Variants in CENPE observed in about 807,000 individuals in gnomAD.
The protein encoded by CENPE is centromere-associated protein E.
CENPE carries 145 observed loss-of-function variants against 336.1 expected under a neutral mutation model. That is an observed-to-expected ratio of 0.43 (90% CI 0.38 to 0.50). The LOEUF (loss-of-function observed/expected upper bound fraction) is 0.50. Among genes scored for constraint, CENPE ranks in the 20% least tolerant of loss-of-function variants. The probability of loss-of-function intolerance (pLI) is 0.00; values close to 1 mark genes in which losing one functional copy is unlikely to be tolerated. For synonymous variants in CENPE, 1,013 were observed against 984.8 expected (o/e 1.03, Z -0.54); for missense variants, 2,719 against 3,023.3 (o/e 0.90, Z 2.36).
chr4:103,195,916 T>C lies in CENPE; in HGVS notation c.357+4A>G, dbSNP rs952090491. ...CGTACTAGAAATCCAGTTAAGTTACTTACCTTCTTAATTTTTTGGAAAATG... is the reference window on the plus strand; with the variant it reads ...CGTACTAGAAATCCAGTTAAGTTACCTACCTTCTTAATTTTTTGGAAAATG... On this transcript the variant is annotated splice_donor_region_variant and intron_variant, in intron 4 of 48. Coordinates refer to ENST00000265148, the MANE Select transcript of CENPE (RefSeq NM_001813.3). 6.4e-7 allele frequency: 1 copy of C among 1,572,956 alleles called. No homozygotes were observed. The highest frequency in any genetic ancestry group is 2.2e-5 in the East Asian group (1 of 44,640).
chr4:103,151,569 T>G (rs1753578044), intron 25 of CENPE, among the ~76,000 whole-genome samples, 192 bp from the exon 26 acceptor site: 1 of 152,226 alleles, frequency 6.6e-6, no homozygotes, highest in Admixed American at 6.5e-5. Context: ...TTTATACTGT[T>G]TCTTTACTGC....
rs116719500 is a variant in CENPE at position 103,149,691 on chromosome 4, C to T, written c.3397-283G>A. 3.1e-3 allele frequency among the ~76,000 whole-genome samples: 468 copies of T among 152,186 alleles called. 2 individuals are homozygous for T. The highest frequency in any genetic ancestry group is 0.01 in the African/African-American group (424 of 41,514). The stretch of plus-strand genomic sequence containing the variant: ...GATCCTACTGGAGTAGGTCTTCATT[C>T]CAATGAGTGTATTTATAAGAGACAT... On this transcript the variant is annotated intron_variant, in intron 26 of 48. Transcript: ENST00000265148.
chr4:103,113,801 C>A (rs1207086937), intron 46 of CENPE, among the ~76,000 whole-genome samples: 1 of 150,714 alleles, frequency 6.6e-6, no homozygotes, highest in Admixed American at 6.7e-5. Context: ...CCCACGATTT[C>A]ATATAGCCAT....
intron 16 of CENPE, among the ~76,000 whole-genome samples, chr4:103,163,909 A>T (rs1462821778): frequency 6.6e-6 from 1 of 152,112 alleles, no homozygotes; most frequent in Non-Finnish European, 1.5e-5. Context: ...TGAAAAATAC[A>T]CGTTTAGTAG....
chr4:103,138,203 C>T lies in CENPE; in HGVS notation c.6303+148G>A, dbSNP rs72946139. 2,762 of 625,912 alleles carry T rather than the reference C, an allele frequency of 4.4e-3. 51 individuals carry two copies. Among genetic ancestry groups the T allele is most frequent in the African/African-American group, 0.035 (1,906 of 54,594 alleles). 38.8% of individuals were successfully genotyped at this position (625,912 alleles called of 1,614,324 possible). A position where few individuals can be genotyped will look rare whatever the true frequency, so the allele number is the denominator to read the frequency against. On this transcript the variant is annotated intron_variant, in intron 39 of 48. Coordinates refer to ENST00000265148, the MANE Select transcript of CENPE (RefSeq NM_001813.3). Reference sequence around the variant, plus strand: ...TGTATGTGTGTATATATGCATTATACCCACACACCTGTACTAGATTACAAT... The same window carrying T: ...TGTATGTGTGTATATATGCATTATATCCACACACCTGTACTAGATTACAAT...
Position 103,163,284 on chromosome 4 carries a change from A to G in CENPE, c.1723-28T>C, listed in dbSNP as rs756559395. ...AAAAGAATCAAAGGAGAGAGTAACAATTTAGAATCTGATTTGAAGTCTAAG... is the reference window on the plus strand; with the variant it reads ...AAAAGAATCAAAGGAGAGAGTAACAGTTTAGAATCTGATTTGAAGTCTAAG... On this transcript the variant is annotated intron_variant, in intron 17 of 48. Coordinates refer to ENST00000265148, the MANE Select transcript of CENPE (RefSeq NM_001813.3). 49 of 1,583,414 alleles carry G rather than the reference A, an allele frequency of 3.1e-5. 3 individuals carry two copies. In the South Asian group the frequency reaches 5.3e-4, roughly 17 times the overall value.
chr4:103,182,774 A>T lies in CENPE; in HGVS notation c.951T>A (p.Leu317=), dbSNP rs771740249. ...AAATCAAACTCACCTGGAGAGCAGT[A>T]AGTGTTTCATCAAAAGATACTGGAG... is the stretch of plus-strand genomic sequence containing the variant. ...TITPVSFDET[L]TALQFASTAK... Residue 317 remains leucine (L), a synonymous_variant, in exon 11 of 49, where the codon CTT becomes CTA. Transcript: ENST00000265148. 1.2e-6 allele frequency: 2 copies of T among 1,609,778 alleles called. No homozygotes were observed. The highest frequency in any genetic ancestry group is 2.2e-5 in the South Asian group (2 of 90,208).
chr4:103,110,768 G>GT (rs764720023), intron 47 of CENPE, 60 bp downstream of exon 47: 35 of 1,325,492 alleles, frequency 2.6e-5, no homozygotes, highest in Non-Finnish European at 3.6e-5. Context: ...CATATACCAT[G>GT]TCCCTACATA....
intron 47 of CENPE, among the ~76,000 whole-genome samples, chr4:103,109,364 GT>G (rs1404816285): frequency 1.3e-5 from 2 of 152,052 alleles, no homozygotes. Context: ...ACAACATTAG[GT>G]TTTCAAATGA....
rs186246419 is a variant in CENPE at position 103,191,351 on chromosome 4, A to G, written c.693+2878T>C. Reference sequence around the variant, plus strand: ...CTGCTATAAAGACACATGCACACGTATATTTATTGTAGCACTATTCACAAT... The same window carrying G: ...CTGCTATAAAGACACATGCACACGTGTATTTATTGTAGCACTATTCACAAT... On this transcript the variant is annotated intron_variant, in intron 8 of 48. Coordinates refer to ENST00000265148, the MANE Select transcript of CENPE (RefSeq NM_001813.3). Among the ~76,000 whole-genome samples the G allele has an allele frequency of 6.6e-5, 10 of 152,332 alleles. No individual in the cohort carries two copies. In the East Asian group the frequency reaches 1.9e-3, roughly 29 times the overall value.
chr4:103,145,302 A>G lies in CENPE; in HGVS notation c.4605T>C (p.Phe1535=), dbSNP rs754170056. The change falls in exon 32 of 49, where the codon TTT becomes TTC. Residue 1535 remains phenylalanine (F), a synonymous_variant. Coordinates refer to ENST00000265148, the MANE Select transcript of CENPE (RefSeq NM_001813.3). ...GAACCTCACTAATTTGTTTTATATT[A>G]AATTGTTCCTCTTTCTCATAAATCT... The part of the protein sequence containing the change: ...IQEIYEKEEQ[F]NIKQISEVQE... The G allele has an allele frequency of 1.3e-6, 2 of 1,584,804 alleles. No homozygotes were observed. The highest frequency in any genetic ancestry group is 1.7e-6 in the Non-Finnish European group (2 of 1,159,562).
At chr4:103,107,596 C>A (rs919934894) in intron 48 of CENPE, among the ~76,000 whole-genome samples, 4 of 152,168 alleles carry the variant, frequency 2.6e-5, no homozygotes, top group African/African-American at 9.7e-5. Flanking sequence ...CAAGAAATGC[C>A]GTGTTACCGT....
At chr4:103,148,305 C>G in intron 28 of CENPE, among the ~76,000 whole-genome samples, 1 of 152,154 alleles carries the variant, frequency 6.6e-6, no homozygotes, top group Non-Finnish European at 1.5e-5. Context: ...TGTATGATCT[C>G]CATTTTCAGA....
chr4:103,187,359 A>T (rs1366459916), intron 8 of CENPE, among the ~76,000 whole-genome samples: 3 of 152,178 alleles, frequency 2.0e-5, no homozygotes, highest in Admixed American at 6.5e-5. Flanking sequence ...GATTCACCAA[A>T]GTTGAAATGA....
chr4:103,176,208 TG>T (rs1238519532), intron 14 of CENPE, among the ~76,000 whole-genome samples, 160 bp from the exon 15 acceptor site: 7 of 152,204 alleles, frequency 4.6e-5, no homozygotes, highest in Non-Finnish European at 8.8e-5. Context: ...TTAATAGATA[TG>T]GTCATTTATG....
At chr4:103,155,656 C>A (rs1488576436) in intron 24 of CENPE, among the ~76,000 whole-genome samples, 1 of 151,746 alleles carries the variant, frequency 6.6e-6, no homozygotes, top group African/African-American at 2.4e-5. Context: ...TATGGTTATT[C>A]CAAATTATAA....
intron 42 of CENPE, among the ~76,000 whole-genome samples, chr4:103,130,623 T>C (rs1483919125): frequency 6.6e-6 from 1 of 152,050 alleles, no homozygotes; most frequent in Non-Finnish European, 1.5e-5. Flanking sequence ...AACAAAACCA[T>C]AGGAAGTTAT....
At chr4:103,106,386 T>C (rs907328834) in intron 48 of CENPE, 70 bp from the exon 49 acceptor site, 11 of 1,210,682 alleles carry the variant, frequency 9.1e-6, no homozygotes, top group Admixed American at 3.9e-5. Context: ...CAGCTGGAAG[T>C]GGAAAGGAGG....
At chr4:103,146,917 A>T (rs1253961716) in intron 29 of CENPE, among the ~76,000 whole-genome samples, 1 of 152,196 alleles carries the variant, frequency 6.6e-6, no homozygotes, top group Non-Finnish European at 1.5e-5. Context: ...ACTCAAATCA[A>T]TAAGATTTGG....
Sources: gnomAD v4.1 joint callset for allele counts (sites outside exome capture counted in the v4.1 genomes callset) on GRCh38, gnomAD v4.1.1 for gene constraint, MANE v1.5 for transcripts, NCBI Gene and HGNC (gene_info 2026-07-23, HGNC 2026-07-21) for gene names.